The following STK10 variants were observed in gnomAD, a reference collection of about 807,000 sequenced individuals.
STK10 encodes the protein serine/threonine-protein kinase 10.
A neutral mutation model predicts 113.8 loss-of-function variants in STK10; 78 were observed. The observed-to-expected ratio is 0.69, with a 90% CI of 0.57 to 0.83. The LOEUF (loss-of-function observed/expected upper bound fraction) is 0.83, where lower values mean the gene tolerates loss of function less well. Ranked by LOEUF, STK10 falls within the 40% of genes least tolerant of loss-of-function variation. The pLI is 0.00. For synonymous variants in STK10, 465 were observed against 494.7 expected, an observed-to-expected ratio of 0.94 and a Z score of 0.80; for missense variants, 1,109 against 1,280.1, an observed-to-expected ratio of 0.87 and a Z score of 2.04.
chr5:172,140,807 C>T (rs898513584), intron 2 of STK10, among the ~76,000 whole-genome samples: 5 of 152,140 alleles, frequency 3.3e-5, no homozygotes, highest in African/African-American at 1.2e-4. Context: ...TGAAGAGATA[C>T]CTGCACCCCC....
In STK10 at chr5:172,117,504, G is replaced by T. The variant is rs781082958; in HGVS notation, c.497C>A (p.Thr166Asn). The change falls in exon 4 of 19, where the codon ACC becomes AAC. Residue 166 changes from threonine (T) to asparagine (N), a missense_variant. Around this residue, in one of 5 missense-constraint regions of STK10, gnomAD observed 44 missense variants for 84.4 expected, o/e 0.52. Coordinates refer to ENST00000176763, the MANE Select transcript of STK10 (RefSeq NM_005990.4). ...ACCCAGCCTGATGTCTCCCTCGAGG[G>T]TCATCAGCACGTTGCCAGCTTTCAG... ...RDLKAGNVLM[T>N]LEGDIRLADF... 4.0e-5 allele frequency: 65 copies of T among 1,612,090 alleles called. No individual in the cohort carries two copies. Among genetic ancestry groups the T allele is most frequent in the Non-Finnish European group, 5.2e-5 (61 of 1,179,938 alleles).
Position 172,107,921 on chromosome 5 carries a change from C to T in STK10, c.521-69G>A. On this transcript the variant is annotated intron_variant, in intron 4 of 18. Transcript: ENST00000176763. ...GGGGTAAAAGCCGGGGATGTGGACTCAGGGGTACACATTCCAAGTCGACTA... is the reference window on the plus strand; with the variant it reads ...GGGGTAAAAGCCGGGGATGTGGACTTAGGGGTACACATTCCAAGTCGACTA... The T allele has an allele frequency of 4.5e-6, 6 of 1,346,126 alleles. 1 individual carries two copies. The South Asian group carries it at 4.8e-5, about 11-fold the overall frequency. 83.4% of individuals were successfully genotyped at this position (1,346,126 alleles called of 1,614,324 possible).
chr5:172,165,518 G>A (rs564783824), intron 1 of STK10, among the ~76,000 whole-genome samples: 2 of 152,304 alleles, frequency 1.3e-5, no homozygotes, highest in Admixed American at 1.3e-4. Context: ...AGCAGTGGGG[G>A]ACTTGGCCAG....
rs1466684461 is a variant in STK10 at position 172,160,941 on chromosome 5, C to CT, written c.157-4154dup. Reference sequence around the variant, plus strand: ...TACAATCTCCACCACTTAGAAGTCTCTAAGACCAGATGCCAACAGACATTT... The same window carrying CT: ...TACAATCTCCACCACTTAGAAGTCTCTTAAGACCAGATGCCAACAGACATTT... On this transcript the variant is annotated intron_variant, in intron 1 of 18. Coordinates refer to ENST00000176763, the MANE Select transcript of STK10 (RefSeq NM_005990.4). Among the ~76,000 whole-genome samples, 8 of 152,326 alleles carry CT rather than the reference C, an allele frequency of 5.3e-5. No homozygotes were observed. In the East Asian group the frequency reaches 1.4e-3, roughly 26 times the overall value.
chr5:172,151,331 C>CT (rs930337797), intron 2 of STK10, among the ~76,000 whole-genome samples: 2 of 151,472 alleles, frequency 1.3e-5, no homozygotes, highest in African/African-American at 2.4e-5. Flanking sequence ...TTGCGTTTTT[C>CT]TTTTTTTTCT....
rs545019190 is a variant in STK10, at chr5:172,096,556, G to T, written c.875C>A (p.Pro292His). The T allele has an allele frequency of 1.9e-6, 3 of 1,612,930 alleles. No homozygotes were observed. The highest frequency in any genetic ancestry group is 1.7e-5 in the Admixed American group (1 of 60,004). ...RPSAAQLLEH[P>H]FVSSITSNKA... is the part of the protein sequence containing the mutation. The stretch of plus-strand genomic sequence containing the variant: ...GTTACTGGTGATGCTGCTGACGAAG[G>T]GATGCTGAGGGGGCAAGATGCACCC... Residue 292 changes from proline (P) to histidine (H), a missense_variant, in exon 8 of 19, where the codon CCC (proline) becomes CAC (histidine). Pro to His is a moderately conservative substitution (Grantham distance 77). Around this residue, in one of 5 missense-constraint regions of STK10, gnomAD observed 885 missense variants for 991.1 expected, o/e 0.89. Coordinates refer to ENST00000176763, the MANE Select transcript of STK10 (RefSeq NM_005990.4).
chr5:172,105,620 C>G lies in STK10; in HGVS notation c.870+36G>C. 1.9e-6 allele frequency: 3 copies of G among 1,606,858 alleles called. No individual in the cohort carries two copies. In the African/African-American group the frequency reaches 4.0e-5, roughly 21 times the overall value. ...CACTGGTGAGTTCATTAGGCTCCACCCTTCAGGGAGCAGAGTGGGAGGGGA... is the reference window on the plus strand; with the variant it reads ...CACTGGTGAGTTCATTAGGCTCCACGCTTCAGGGAGCAGAGTGGGAGGGGA... On this transcript the variant is annotated intron_variant, in intron 7 of 18. Coordinates refer to ENST00000176763, the MANE Select transcript of STK10 (RefSeq NM_005990.4).
At chr5:172,130,341 G>A (rs1189775153) in intron 2 of STK10, among the ~76,000 whole-genome samples, 2 of 152,136 alleles carry the variant, frequency 1.3e-5, no homozygotes, top group African/African-American at 2.4e-5. Context: ...GACCAGCCTG[G>A]CCAAAATGGC....
At chr5:172,053,435 T>C (rs1767676066) in intron 17 of STK10, among the ~76,000 whole-genome samples, 1 of 82,332 alleles carries the variant, frequency 1.2e-5, no homozygotes, top group Admixed American at 1.4e-4. Context: ...TAAAGCATCA[T>C]GGTTTGTTAT....
chr5:172,047,059 C>G (rs1767508321), intron 18 of STK10, among the ~76,000 whole-genome samples: 1 of 152,222 alleles, frequency 6.6e-6, no homozygotes, highest in Admixed American at 6.5e-5. Flanking sequence ...AAATACTCCA[C>G]AATGTACAAT....
At position 172,042,868 on chromosome 5, in the gene STK10, T is replaced by A. The variant is rs1174323479; in HGVS notation, c.*2014A>T. ...AGATTTGGGCAGTCCCCTTTTCCTG[T>A]TGAAGGGCTGCCCCTCCCTTCCCAA... On this transcript the variant is annotated 3_prime_UTR_variant, in exon 19 of 19. Transcript: ENST00000176763. The A allele has an allele frequency of 6.6e-6, 1 of 152,216 alleles. No homozygotes were observed. The highest frequency in any genetic ancestry group is 6.5e-5 in the Admixed American group (1 of 15,280). 9.4% of individuals were successfully genotyped at this position (152,216 alleles called of 1,614,324 possible). A position where few individuals can be genotyped will look rare whatever the true frequency, so the allele number is the denominator to read the frequency against.
rs193052446 is a variant in STK10 at position 172,112,816 on chromosome 5, G to A, written c.520+4665C>T. On this transcript the variant is annotated intron_variant, in intron 4 of 18. Transcript: ENST00000176763. Reference sequence around the variant, plus strand: ...GGCTGGAGTGCAATGGCACGATCTCGGCTCACTGCAACCTCCACCTTCCGG... The same window carrying A: ...GGCTGGAGTGCAATGGCACGATCTCAGCTCACTGCAACCTCCACCTTCCGG... Among the ~76,000 whole-genome samples, 213 of 145,788 alleles carry A rather than the reference G, an allele frequency of 1.5e-3. 2 individuals are homozygous for A. In the Middle Eastern group the frequency reaches 0.028, roughly 19 times the overall value.
Position 172,081,637 on chromosome 5 carries a change from C to T in STK10, c.1989+689G>A, listed in dbSNP as rs1030359573. Among the ~76,000 whole-genome samples the T allele has an allele frequency of 5.3e-5, 8 of 152,202 alleles. No homozygotes were observed. The East Asian group carries it at 7.8e-4, about 15-fold the overall frequency. ...TCTGGGATGCCCCCGAATGTCATGC[C>T]CACCATGGTAAAGTCTGGAATCTGG... On this transcript the variant is annotated intron_variant, in intron 12 of 18. Transcript: ENST00000176763.
chr5:172,054,167 GC>G (rs535309401), intron 17 of STK10, among the ~76,000 whole-genome samples: 1 of 152,188 alleles, frequency 6.6e-6, no homozygotes, highest in Non-Finnish European at 1.5e-5. Flanking sequence ...GGGCCAGGAA[GC>G]TTGAAGAGGT....
At chr5:172,090,860 A>C (rs975430553) in intron 9 of STK10, among the ~76,000 whole-genome samples, 1 of 146,496 alleles carries the variant, frequency 6.8e-6, no homozygotes, top group African/African-American at 2.5e-5. Context: ...ACTTGAACCC[A>C]GGAGGCGGAG....
chr5:172,169,344 G>C (rs1770624620), intron 1 of STK10, among the ~76,000 whole-genome samples: 2 of 152,172 alleles, frequency 1.3e-5, no homozygotes, highest in Non-Finnish European at 2.9e-5. Flanking sequence ...GGGTAGATGG[G>C]ACAGTGGGAG....
intron 1 of STK10, among the ~76,000 whole-genome samples, chr5:172,159,190 G>A (rs1468917773): frequency 6.6e-6 from 1 of 152,206 alleles, no homozygotes; most frequent in African/African-American, 2.4e-5. Flanking sequence ...GGACGTTGGT[G>A]GGGAATGCTG....
chr5:172,082,619 C>T lies in STK10; in HGVS notation c.1810-114G>A. ...TTGTGATCAGACCTAAGCTTGAATC[C>T]CAGCTCTACTACCCCGTTGCTGTGT... On this transcript the variant is annotated intron_variant, in intron 11 of 18. Coordinates refer to ENST00000176763, the MANE Select transcript of STK10 (RefSeq NM_005990.4). The surrounding 1 kb of genome is among the most constrained non-coding windows in gnomAD (Gnocchi z 4.3). 1.5e-6 allele frequency: 2 copies of T among 1,320,892 alleles called. No individual in the cohort carries two copies. Among genetic ancestry groups the T allele is most frequent in the East Asian group, 2.5e-5 (1 of 40,070 alleles). 81.8% of individuals were successfully genotyped at this position (1,320,892 alleles called of 1,614,324 possible).
At position 172,147,647 on chromosome 5, in the gene STK10, C is replaced by G. The variant is rs142319364; in HGVS notation, c.321+8977G>C. Among the ~76,000 whole-genome samples the G allele has an allele frequency of 2.9e-3, 440 of 152,324 alleles. 6 individuals are homozygous for G. Among genetic ancestry groups the G allele is most frequent in the African/African-American group, 9.6e-3 (401 of 41,584 alleles). ...GACCTCGTGATCTGCCCGCCTTGGC[C>G]TCCCTAAGTGCTGGGATTACAGGCG... is the stretch of plus-strand genomic sequence containing the variant. On this transcript the variant is annotated intron_variant, in intron 2 of 18. Coordinates refer to ENST00000176763, the MANE Select transcript of STK10 (RefSeq NM_005990.4).
Sources: allele counts gnomAD v4.1 joint callset (sites outside exome capture counted in the v4.1 genomes callset), GRCh38; gene constraint gnomAD v4.1.1; regional missense constraint gnomAD v4.1.1; non-coding constraint Gnocchi (gnomAD v3.1); transcripts MANE v1.5; gene names NCBI Gene and HGNC (gene_info 2026-07-23, HGNC 2026-07-21).